The following SEMA3E variants were observed in gnomAD, a reference collection of about 807,000 sequenced individuals.
The protein encoded by SEMA3E is semaphorin-3E.
In SEMA3E, 49 loss-of-function variants were observed where a neutral mutation model predicts 93.6. The ratio of observed to expected loss-of-function variants is 0.52; its 90% CI spans 0.42 to 0.66. The LOEUF is 0.66. Among genes scored for constraint, SEMA3E ranks in the 30% least tolerant of loss-of-function variants. SEMA3E has a pLI of 0.00. For missense variants in SEMA3E, 906 were observed against 964.8 expected (o/e 0.94, Z 0.81); for synonymous variants, 363 against 330.7 (o/e 1.10, Z -1.06).
chr7:83,403,431 T>A (rs1172939760), intron 9 of SEMA3E, among the ~76,000 whole-genome samples: 1 of 151,960 alleles, frequency 6.6e-6, no homozygotes, highest in Non-Finnish European at 1.5e-5. Flanking sequence ...GCAAAAAAAT[T>A]TTCTTGATTA....
intron 1 of SEMA3E, among the ~76,000 whole-genome samples, chr7:83,555,541 CA>C (rs1791869139): frequency 6.6e-6 from 1 of 152,088 alleles, no homozygotes. Context: ...CCACTAGAGG[CA>C]AACGTATTTT....
At chr7:83,566,283 G>A (rs1038240710) in intron 1 of SEMA3E, among the ~76,000 whole-genome samples, 1 of 151,764 alleles carries the variant, frequency 6.6e-6, no homozygotes, top group East Asian at 1.9e-4. Flanking sequence ...TGGGATTACA[G>A]GCGTGAGCCA....
At chr7:83,584,760 G>A (rs1792586179) in intron 1 of SEMA3E, among the ~76,000 whole-genome samples, 1 of 152,082 alleles carries the variant, frequency 6.6e-6, no homozygotes, top group Non-Finnish European at 1.5e-5. Context: ...TATGAGTCAA[G>A]CCATTATTTA....
At chr7:83,579,365 A>G (rs1792473270) in intron 1 of SEMA3E, among the ~76,000 whole-genome samples, 1 of 152,092 alleles carries the variant, frequency 6.6e-6, no homozygotes. Flanking sequence ...AAAAATTTCA[A>G]TCTATTTCAA....
chr7:83,420,174 AC>A (rs1351872540), intron 4 of SEMA3E, among the ~76,000 whole-genome samples: 1 of 152,164 alleles, frequency 6.6e-6, no homozygotes, highest in Non-Finnish European at 1.5e-5. Context: ...AATTAAGAAC[AC>A]AATCTAATTT....
In SEMA3E at chr7:83,367,632, G is replaced by C. The variant is rs1450289000; in HGVS notation, c.2282C>G (p.Ser761Cys). The C allele has an allele frequency of 1.2e-6, 2 of 1,614,158 alleles. No individual in the cohort carries two copies. The highest frequency in any genetic ancestry group is 4.5e-5 in the East Asian group (2 of 44,870). Residue 761 changes from serine to cysteine, a missense_variant, in exon 17 of 17, where the codon TCC (serine) becomes TGC (cysteine). Transcript: ENST00000643230. ...GGGCAGGCGGTAATGCTCAGGTTTG[G>C]AACGGAGCTTCTTTTCCTGAGGGTT... The part of the protein sequence containing the change: ...YANPQEKKLR[S>C]KPEHYRLPRH...
chr7:83,546,560 CATTT>C (rs1468749937), intron 1 of SEMA3E, among the ~76,000 whole-genome samples: 1 of 151,908 alleles, frequency 6.6e-6, no homozygotes, highest in Non-Finnish European at 1.5e-5. Context: ...ATCTTACATT[CATTT>C]GTTTTTCTTC....
chr7:83,597,441 A>C (rs1274540190), intron 1 of SEMA3E, among the ~76,000 whole-genome samples: 16 of 152,166 alleles, frequency 1.1e-4, no homozygotes, highest in Admixed American at 1.0e-3. Context: ...CTTTCTAGTA[A>C]GGCTTCAATC....
chr7:83,591,326 T>C (rs1211999366), intron 1 of SEMA3E, among the ~76,000 whole-genome samples: 1 of 151,928 alleles, frequency 6.6e-6, no homozygotes, highest in Non-Finnish European at 1.5e-5. Context: ...ATTATTTTTA[T>C]AGTATGGTAA....
At chr7:83,454,272 A>AAAT (rs1257792756) in intron 4 of SEMA3E, among the ~76,000 whole-genome samples, 28 of 110,112 alleles carry the variant, frequency 2.5e-4, no homozygotes, top group South Asian at 1.8e-3. Flanking sequence ...AAAAAAAAAA[A>AAAT]ATATATATAT....
chr7:83,523,465 A>G (rs927396729), intron 1 of SEMA3E, among the ~76,000 whole-genome samples: 1 of 152,092 alleles, frequency 6.6e-6, no homozygotes. Flanking sequence ...AGTCTCACCA[A>G]TCCATGATAG....
chr7:83,373,406 A>T (rs1794776405), intron 16 of SEMA3E, among the ~76,000 whole-genome samples: 1 of 152,118 alleles, frequency 6.6e-6, no homozygotes, highest in African/African-American at 2.4e-5. Flanking sequence ...ACACACATAC[A>T]TATGTATATA....
intron 1 of SEMA3E, among the ~76,000 whole-genome samples, chr7:83,565,987 T>A (rs976137030): frequency 6.9e-6 from 1 of 145,014 alleles, no homozygotes; most frequent in Non-Finnish European, 1.5e-5. Context: ...CTTACCAATG[T>A]TTCCACTCTT....
intron 1 of SEMA3E, among the ~76,000 whole-genome samples, chr7:83,523,560 G>T (rs1003657013): frequency 6.6e-6 from 1 of 151,930 alleles, no homozygotes; most frequent in Non-Finnish European, 1.5e-5. Flanking sequence ...CTCTCTCAGT[G>T]GCATGTGCTT....
chr7:83,474,655 T>C (rs1789972201), intron 2 of SEMA3E, among the ~76,000 whole-genome samples: 1 of 152,180 alleles, frequency 6.6e-6, no homozygotes, highest in Non-Finnish European at 1.5e-5. Context: ...ATGTTAGCAA[T>C]GAATCCATCA....
At chr7:83,501,889 T>C (rs1209553526) in intron 1 of SEMA3E, among the ~76,000 whole-genome samples, 7 of 152,204 alleles carry the variant, frequency 4.6e-5, no homozygotes, top group Admixed American at 4.6e-4. Context: ...ATATACTGAA[T>C]TGAATATTTG....
intron 2 of SEMA3E, among the ~76,000 whole-genome samples, chr7:83,471,451 G>T (rs1194933331): frequency 6.6e-6 from 1 of 151,938 alleles, no homozygotes; most frequent in East Asian, 1.9e-4. Context: ...GAATTACCTT[G>T]TTGCCTCTCC....
chr7:83,443,630 T>C (rs1231328328), intron 4 of SEMA3E, among the ~76,000 whole-genome samples: 2 of 152,066 alleles, frequency 1.3e-5, no homozygotes, highest in Non-Finnish European at 2.9e-5. Context: ...GAGGAAACAG[T>C]CAAAGAGTAA....
chr7:83,410,620 G>C (rs1228072528), intron 5 of SEMA3E, among the ~76,000 whole-genome samples: 1 of 152,034 alleles, frequency 6.6e-6, no homozygotes, highest in Non-Finnish European at 1.5e-5. Context: ...GTAGTATTTT[G>C]AGACCAAATG....
Sources: allele counts gnomAD v4.1 joint callset (sites outside exome capture counted in the v4.1 genomes callset), GRCh38; gene constraint gnomAD v4.1.1; transcripts MANE v1.5; gene names NCBI Gene and HGNC (gene_info 2026-07-23, HGNC 2026-07-21).